PAFAH1B1: variants seen among roughly 807,000 people sequenced by gnomAD.
PAFAH1B1 encodes the protein platelet activating factor acetylhydrolase 1b regulatory subunit 1, also known as platelet-activating factor acetylhydrolase IB subunit beta.
Under a neutral mutation model 57.5 loss-of-function variants are expected in PAFAH1B1, and 2 were observed. The ratio of observed to expected loss-of-function variants is 0.03; its 90% confidence interval spans 0.01 to 0.11. PAFAH1B1 has a LOEUF of 0.11. Among genes scored for constraint, PAFAH1B1 ranks in the 10% least tolerant of loss-of-function variants. The pLI is 1.00. For missense variants in PAFAH1B1, 257 were observed against 512.0 expected, an observed-to-expected ratio of 0.50 and a Z score of 4.81; for synonymous variants, 152 against 169.6, an observed-to-expected ratio of 0.90 and a Z score of 0.81.
chr17:2,624,452 C>T (rs1397276568), intron 1 of PAFAH1B1, among the ~76,000 whole-genome samples: 3 of 152,148 alleles, frequency 2.0e-5, no homozygotes, highest in Non-Finnish European at 4.4e-5. Context: ...TTTAATTGGA[C>T]TTGTAGTTCC....
intron 1 of PAFAH1B1, among the ~76,000 whole-genome samples, chr17:2,631,713 A>G (rs2068558051): frequency 6.6e-6 from 1 of 152,182 alleles, no homozygotes; most frequent in African/African-American, 2.4e-5. Context: ...CGGGTCCTGC[A>G]GGAGCAATCC....
At chr17:2,600,029 G>T (rs2068123063) in intron 1 of PAFAH1B1, among the ~76,000 whole-genome samples, 1 of 137,178 alleles carries the variant, frequency 7.3e-6, no homozygotes, top group South Asian at 2.3e-4. Flanking sequence ...ACCCAGGCTG[G>T]AGTGCAGTGT....
At chr17:2,645,558 A>G (rs1298041645) in intron 2 of PAFAH1B1, among the ~76,000 whole-genome samples, 2 of 149,556 alleles carry the variant, frequency 1.3e-5, no homozygotes, top group African/African-American at 4.9e-5. Context: ...GCACCACTGC[A>G]CTCCAGCCTG....
intron 4 of PAFAH1B1, among the ~76,000 whole-genome samples, 163 bp from the exon 5 acceptor site, chr17:2,666,829 A>G (rs1343350941): frequency 6.6e-6 from 1 of 152,232 alleles, no homozygotes; most frequent in South Asian, 2.1e-4. Flanking sequence ...GATGCTGTAC[A>G]AAATAAATAA....
In PAFAH1B1 at chr17:2,659,158, G is replaced by A. The variant is rs142235478; in HGVS notation, c.33-6214G>A. ...CTCAGCTTCTCAGGAGGCTGAGGCA[G>A]GAGAATCGCTTGAACCCAGGAGGGG... On this transcript the variant is annotated intron_variant, in intron 2 of 10. Transcript: ENST00000397195. Among the ~76,000 whole-genome samples, 766 of 152,100 alleles carry A rather than the reference G, an allele frequency of 5.0e-3. 1 individual carries two copies. The highest frequency in any genetic ancestry group is 8.1e-3 in the Non-Finnish European group (551 of 67,972).
intron 9 of PAFAH1B1, among the ~76,000 whole-genome samples, chr17:2,679,231 A>G (rs940041696): frequency 1.3e-5 from 2 of 152,250 alleles, no homozygotes; most frequent in Admixed American, 1.3e-4. Flanking sequence ...ACACTGATCT[A>G]CAGACAATGC....
At chr17:2,620,688 C>A (rs528905604) in intron 1 of PAFAH1B1, among the ~76,000 whole-genome samples, 2 of 152,094 alleles carry the variant, frequency 1.3e-5, no homozygotes, top group African/African-American at 4.8e-5. Flanking sequence ...ATGGTAAAAC[C>A]CCGTCTCTAC....
At position 2,638,256 on chromosome 17, in the gene PAFAH1B1, A is replaced by G. The variant is rs2068648821; in HGVS notation, c.-33A>G. On this transcript the variant is annotated 5_prime_UTR_variant, in exon 2 of 11. Transcript: ENST00000397195. ...TGATTTCCCAAAGGAGGGACATACC[A>G]CTATATCAGATAAGCTTGACATTAC... is the stretch of plus-strand genomic sequence containing the variant. 5.0e-6 allele frequency: 8 copies of G among 1,596,552 alleles called. No homozygotes were observed. The highest frequency in any genetic ancestry group is 6.9e-6 in the Non-Finnish European group (8 of 1,165,504).
At chr17:2,679,539 TGGA>T (rs1285207360) in intron 9 of PAFAH1B1, 2 of 145,804 alleles carry the variant, frequency 1.4e-5, no homozygotes, top group African/African-American at 5.2e-5. Flanking sequence ...GATGGATGGA[TGGA>T]TGGATGGATG....
chr17:2,653,268 C>T (rs1003129507), intron 2 of PAFAH1B1, among the ~76,000 whole-genome samples: 3 of 151,840 alleles, frequency 2.0e-5, no homozygotes, highest in African/African-American at 7.3e-5. Flanking sequence ...CAGGGCCTGT[C>T]GTGAGGTGAG....
In PAFAH1B1 at chr17:2,683,395, G is replaced by A. The variant is rs1451763793; in HGVS notation, c.*1593G>A. On this transcript the variant is annotated 3_prime_UTR_variant, in exon 11 of 11. Coordinates refer to ENST00000397195, the MANE Select transcript of PAFAH1B1 (RefSeq NM_000430.4). ...TAACAAAGATAAAATTCTGAACTGC[G>A]TTTTATTCATTTGTGTACTATGTGA... is the stretch of plus-strand genomic sequence containing the variant. 2 of 152,126 alleles carry A rather than the reference G, an allele frequency of 1.3e-5. No individual in the cohort carries two copies. Among genetic ancestry groups the A allele is most frequent in the Non-Finnish European group, 2.9e-5 (2 of 68,008 alleles). 9.4% of individuals were successfully genotyped at this position (152,126 alleles called of 1,614,324 possible).
chr17:2,680,095 G>T, intron 9 of PAFAH1B1, 69 bp from the exon 10 acceptor site: 1 of 1,328,470 alleles, frequency 7.5e-7, no homozygotes, highest in Admixed American at 1.7e-5. Context: ...TAGTTTTATC[G>T]TATTATGAAA....
intron 6 of PAFAH1B1, 37 bp from the exon 7 acceptor site, chr17:2,672,618 A>T (rs1000546292): frequency 7.6e-7 from 1 of 1,324,052 alleles, no homozygotes; most frequent in Non-Finnish European, 1.1e-6. Context: ...TCTTGGTGGT[A>T]TATTACTTCA....
Position 2,601,680 on chromosome 17 carries a change from G to A in PAFAH1B1, c.-191+7674G>A, listed in dbSNP as rs1398841405. Among the ~76,000 whole-genome samples, 3 of 152,314 alleles carry A rather than the reference G, an allele frequency of 2.0e-5. No homozygotes were observed. The East Asian group carries it at 5.8e-4, about 29-fold the overall frequency. On this transcript the variant is annotated intron_variant, in intron 1 of 10. Transcript: ENST00000397195. ...AGGCCTTGAACTCCTGACCTCAGGT[G>A]ATCCTCCTGCCTCGGCCCCGCAAAG...
intron 1 of PAFAH1B1, among the ~76,000 whole-genome samples, chr17:2,636,409 G>A (rs190654319): frequency 8.5e-5 from 13 of 152,272 alleles, no homozygotes; most frequent in East Asian, 5.8e-4. Context: ...TTGCCATAGC[G>A]AGCACCTGAG....
chr17:2,651,872 A>G (rs2068854784), intron 2 of PAFAH1B1, among the ~76,000 whole-genome samples: 1 of 152,160 alleles, frequency 6.6e-6, no homozygotes, highest in Non-Finnish European at 1.5e-5. Flanking sequence ...CATAGTTGAC[A>G]TTAGGGTTTA....
In PAFAH1B1 at chr17:2,663,808, C is replaced by T. The variant is rs564888764; in HGVS notation, c.33-1564C>T. 9.9e-5 allele frequency among the ~76,000 whole-genome samples: 15 copies of T among 151,856 alleles called. No homozygotes were observed. The South Asian group carries it at 1.5e-3, about 15-fold the overall frequency. Reference sequence around the variant, plus strand: ...TGCCTCCCGGGTTCAAGCAATTCTGCGTCAGTCTTCCAAGTAGCTGGGACT... The same window carrying T: ...TGCCTCCCGGGTTCAAGCAATTCTGTGTCAGTCTTCCAAGTAGCTGGGACT... On this transcript the variant is annotated intron_variant, in intron 2 of 10. Transcript: ENST00000397195.
At chr17:2,612,898 G>A (rs984838473) in intron 1 of PAFAH1B1, among the ~76,000 whole-genome samples, 1 of 151,572 alleles carries the variant, frequency 6.6e-6, no homozygotes, top group African/African-American at 2.4e-5. Flanking sequence ...GTGTGAGCCA[G>A]CATGCCCGGC....
chr17:2,613,821 C>T (rs2068300772), intron 1 of PAFAH1B1: 2 of 277,744 alleles, frequency 7.2e-6, no homozygotes, highest in Non-Finnish European at 7.3e-6. Flanking sequence ...CATCTCCACT[C>T]GGGCAGGGGC....
Sources: gnomAD v4.1 joint callset for allele counts (sites outside exome capture counted in the v4.1 genomes callset) on GRCh38, gnomAD v4.1.1 for gene constraint, MANE v1.5 for transcripts, NCBI Gene and HGNC (gene_info 2026-07-23, HGNC 2026-07-21) for gene names.